ROPN1L: variants seen among roughly 807,000 people sequenced by gnomAD.
ROPN1L encodes the protein ropporin-1-like protein.
In ROPN1L, 23 loss-of-function variants were observed where a neutral mutation model predicts 22.7. The observed-to-expected ratio is 1.01, with a 90% CI of 0.73 to 1.43. ROPN1L has a LOEUF of 1.43. Ranked by LOEUF, ROPN1L falls within the 40% of genes most tolerant of loss-of-function variation. ROPN1L has a pLI of 0.00. For synonymous variants in ROPN1L, 116 were observed against 117.8 expected, an observed-to-expected ratio of 0.98 and a Z score of 0.10; for missense variants, 271 against 291.5, an observed-to-expected ratio of 0.93 and a Z score of 0.51.
At chr5:10,478,927 T>G in the ROPN1L span, among the ~76,000 whole-genome samples, 158 of 152,280 alleles carry the variant, frequency 1.0e-3, no homozygotes, top group African/African-American at 3.6e-3. Flanking sequence ...TAGGGTGTTG[T>G]AAAGATATGT....
At chr5:10,480,564 C>T in the ROPN1L span, among the ~76,000 whole-genome samples, 2 of 152,016 alleles carry the variant, frequency 1.3e-5, no homozygotes, top group African/African-American at 2.4e-5. Context: ...AGGTGGGAGC[C>T]GTATGGAAGC....
At chr5:10,448,520 C>T in intron 2 of ROPN1L, 137 bp downstream of exon 2, 7 of 964,494 alleles carry the variant, frequency 7.3e-6, no homozygotes, top group Non-Finnish European at 1.1e-5. Flanking sequence ...TCCTGCTTTC[C>T]CTGCCACGCA....
At chr5:10,456,124 G>A (rs568580222) in intron 3 of ROPN1L, among the ~76,000 whole-genome samples, 13 of 152,320 alleles carry the variant, frequency 8.5e-5, no homozygotes, top group African/African-American at 2.4e-4. Flanking sequence ...GGGTGCCCTC[G>A]TGCCTGTGCT....
At chr5:10,474,560 C>T (rs571788492), downstream of ROPN1L, among the ~76,000 whole-genome samples, 1 of 152,336 alleles carries the variant, frequency 6.6e-6, no homozygotes, top group East Asian at 1.9e-4. Context: ...CTGAATTCTG[C>T]CAATGACCTG....
chr5:10,460,535 G>A (rs1204363896), intron 3 of ROPN1L, among the ~76,000 whole-genome samples: 1 of 152,266 alleles, frequency 6.6e-6, no homozygotes, highest in South Asian at 2.1e-4. Flanking sequence ...AGCAGAGGGT[G>A]GGCTGCTGTC....
At chr5:10,479,460 A>G in the ROPN1L span, 3 of 152,238 alleles carry the variant, frequency 2.0e-5, no homozygotes, top group African/African-American at 7.2e-5. Context: ...CCTACTTGGC[A>G]GAGTTGCAAA....
chr5:10,450,455 A>G (rs896474983), intron 3 of ROPN1L, among the ~76,000 whole-genome samples: 3 of 152,364 alleles, frequency 2.0e-5, no homozygotes, highest in African/African-American at 7.2e-5. Context: ...GGAAAGAGGC[A>G]TACAATTATT....
chr5:10,444,394 G>A (rs989898633), intron 1 of ROPN1L, among the ~76,000 whole-genome samples: 2 of 151,998 alleles, frequency 1.3e-5, no homozygotes, highest in East Asian at 1.9e-4. Flanking sequence ...GGGTTCAAGC[G>A]ATTCTCCTGC....
At chr5:10,475,476 C>A (rs550564169), downstream of ROPN1L, among the ~76,000 whole-genome samples, 2 of 152,180 alleles carry the variant, frequency 1.3e-5, no homozygotes, top group Non-Finnish European at 2.9e-5. Context: ...ATGCACTGTT[C>A]CCAGCAGCAA....
downstream of ROPN1L, among the ~76,000 whole-genome samples, chr5:10,468,420 G>A (rs1224671867): frequency 1.3e-5 from 2 of 152,172 alleles, no homozygotes; most frequent in East Asian, 1.9e-4. Context: ...AGGAAAACAC[G>A]TTCCCTATTC....
intron 3 of ROPN1L, among the ~76,000 whole-genome samples, chr5:10,452,655 A>G (rs1046985407): frequency 2.1e-4 from 32 of 152,092 alleles, no homozygotes; most frequent in African/African-American, 7.7e-4. Context: ...CGATATGTTA[A>G]CAATATAAAA....
At chr5:10,476,476 C>G (rs1735319426), downstream of ROPN1L, among the ~76,000 whole-genome samples, 1 of 152,178 alleles carries the variant, frequency 6.6e-6, no homozygotes, top group African/African-American at 2.4e-5. Flanking sequence ...TGCTAGGGAG[C>G]ACAGATTTTC....
chr5:10,462,902 CAATAATAAT>C (rs35234246), intron 4 of ROPN1L, among the ~76,000 whole-genome samples: 32 of 150,364 alleles, frequency 2.1e-4, no homozygotes, highest in Admixed American at 7.3e-4. Context: ...ATAATAACAA[CAATAATAAT>C]AATAATAATA....
rs1396761228 is a variant in ROPN1L, at chr5:10,443,226, A to G, written c.131+928A>G. ...TAAGAAAACTAATTTAAAAAGAAAA[A>G]AAACAGCCAAATTTTGCTGGCTTTA... On this transcript the variant is annotated intron_variant, in intron 1 of 4. Transcript: ENST00000274134. Among the ~76,000 whole-genome samples the G allele has an allele frequency of 5.3e-5, 8 of 152,312 alleles. No homozygotes were observed. In the East Asian group the frequency reaches 1.5e-3, roughly 29 times the overall value.
chr5:10,450,659 C>T (rs1375063570), intron 3 of ROPN1L, among the ~76,000 whole-genome samples: 1 of 152,172 alleles, frequency 6.6e-6, no homozygotes. Flanking sequence ...CATGTGCCAC[C>T]ATGCCTGGCT....
chr5:10,459,733 A>C (rs1188961156), intron 3 of ROPN1L, among the ~76,000 whole-genome samples: 2 of 152,086 alleles, frequency 1.3e-5, no homozygotes, highest in Non-Finnish European at 2.9e-5. Context: ...CCGATTGAAA[A>C]TGTCATCCTC....
chr5:10,457,574 C>T (rs1211813593), intron 3 of ROPN1L, among the ~76,000 whole-genome samples: 1 of 152,240 alleles, frequency 6.6e-6, no homozygotes, highest in South Asian at 2.1e-4. Flanking sequence ...AGTAACCACA[C>T]GAGGTGACTG....
downstream of ROPN1L, among the ~76,000 whole-genome samples, chr5:10,476,023 G>T (rs1193404212): frequency 1.3e-5 from 2 of 152,248 alleles, no homozygotes; most frequent in East Asian, 3.8e-4. Context: ...AAGGTGAAGA[G>T]CAGGGAGGAG....
At chr5:10,464,479 A>G (rs1410597893) in intron 4 of ROPN1L, among the ~76,000 whole-genome samples, 1 of 152,214 alleles carries the variant, frequency 6.6e-6, no homozygotes, top group Non-Finnish European at 1.5e-5. Flanking sequence ...TCCGCCTGAC[A>G]GAGCCACCTG....
Sources: gnomAD v4.1 joint callset for allele counts (sites outside exome capture counted in the v4.1 genomes callset) on GRCh38, gnomAD v4.1.1 for gene constraint, MANE v1.5 for transcripts, NCBI Gene and HGNC (gene_info 2026-07-23, HGNC 2026-07-21) for gene names.